PIGU: variants seen among roughly 807,000 people sequenced by gnomAD.
PIGU encodes phosphatidylinositol glycan anchor biosynthesis class U.
A neutral mutation model predicts 49.9 loss-of-function variants in PIGU; 24 were observed. The ratio of observed to expected loss-of-function variants is 0.48; its 90% CI spans 0.35 to 0.68. The LOEUF (loss-of-function observed/expected upper bound fraction) is 0.68. Ranked by LOEUF, PIGU falls within the 30% of genes least tolerant of loss-of-function variation. The pLI, the probability that PIGU is intolerant of heterozygous loss-of-function variation, is 0.01. For missense variants in PIGU, 490 were observed against 532.6 expected (o/e 0.92, Z 0.79); for synonymous variants, 220 against 205.7 (o/e 1.07, Z -0.59).
chr20:34,586,699 C>A (rs1983710811), intron 8 of PIGU, among the ~76,000 whole-genome samples: 1 of 152,154 alleles, frequency 6.6e-6, no homozygotes, highest in African/African-American at 2.4e-5. Flanking sequence ...TTATAGAATT[C>A]ATGAATATAA....
intron 9 of PIGU, among the ~76,000 whole-genome samples, chr20:34,582,599 G>T (rs1381772874): frequency 6.6e-6 from 1 of 152,028 alleles, no homozygotes; most frequent in Non-Finnish European, 1.5e-5. Flanking sequence ...AGGGTTGCTG[G>T]TGCCAGGAGG....
chr20:34,663,879 A>G (rs376773673), intron 1 of PIGU, among the ~76,000 whole-genome samples: 16 of 152,230 alleles, frequency 1.1e-4, no homozygotes, highest in African/African-American at 3.4e-4. Context: ...GCGGCCGTCC[A>G]GGCACATCAC....
At chr20:34,662,060 T>C (rs543896272) in intron 1 of PIGU, among the ~76,000 whole-genome samples, 3 of 152,144 alleles carry the variant, frequency 2.0e-5, no homozygotes, top group Non-Finnish European at 4.4e-5. Flanking sequence ...TGTCTGTTCA[T>C]GTCCTGTGCC....
chr20:34,655,966 T>G lies in PIGU; in HGVS notation c.195+1214A>C. Among the ~76,000 whole-genome samples the G allele has an allele frequency of 1.8e-5, 2 of 111,702 alleles. 1 individual carries two copies. The highest frequency in any genetic ancestry group is 3.7e-5 in the Non-Finnish European group (2 of 53,582). 73.3% of individuals were successfully genotyped at this position (111,702 alleles called of 152,430 possible). ...GACCTAATTAAGAGTGTTTTCACTA[T>G]TCTTTTTTTTTTTTTTTTTTTTTTT... On this transcript the variant is annotated intron_variant, in intron 2 of 11. Transcript: ENST00000217446.
intron 1 of PIGU, among the ~76,000 whole-genome samples, chr20:34,659,297 A>G: frequency 3.5e-4 from 43 of 122,692 alleles, no homozygotes; most frequent in Admixed American, 5.7e-4. Context: ...TCCGGGAGGG[A>G]GGTGGGGGGG....
intron 6 of PIGU, among the ~76,000 whole-genome samples, chr20:34,632,779 G>T (rs181423819): frequency 6.6e-6 from 1 of 152,122 alleles, no homozygotes; most frequent in African/African-American, 2.4e-5. Context: ...GGAGATTTAT[G>T]AAGTTAAGTT....
At chr20:34,665,722 TA>T (rs1987070076) in intron 1 of PIGU, among the ~76,000 whole-genome samples, 1 of 152,106 alleles carries the variant, frequency 6.6e-6, no homozygotes, top group African/African-American at 2.4e-5. Flanking sequence ...TGCACACGAT[TA>T]AAAACTGTGA....
chr20:34,573,385 A>G (rs894965067), intron 11 of PIGU, among the ~76,000 whole-genome samples: 21 of 152,212 alleles, frequency 1.4e-4, no homozygotes, highest in African/African-American at 4.6e-4. Flanking sequence ...CCTGCCTTCA[A>G]TGGCACCTGA....
chr20:34,664,825 C>T (rs1185015304), intron 1 of PIGU, among the ~76,000 whole-genome samples: 2 of 151,878 alleles, frequency 1.3e-5, no homozygotes, highest in Non-Finnish European at 2.9e-5. Flanking sequence ...CCTGTCTCTA[C>T]CAAAAATACA....
chr20:34,620,229 C>G (rs933521989), intron 6 of PIGU, among the ~76,000 whole-genome samples: 1 of 152,234 alleles, frequency 6.6e-6, no homozygotes, highest in Admixed American at 6.5e-5. Flanking sequence ...AGTTTCACCT[C>G]TCACCACTCT....
intron 5 of PIGU, among the ~76,000 whole-genome samples, chr20:34,635,735 C>T (rs944422587): frequency 6.6e-6 from 1 of 151,806 alleles, no homozygotes; most frequent in African/African-American, 2.4e-5. Flanking sequence ...ATTGGCCAGG[C>T]GTGGTGGCAC....
At chr20:34,632,469 AG>A (rs1390840930) in intron 6 of PIGU, among the ~76,000 whole-genome samples, 2 of 151,820 alleles carry the variant, frequency 1.3e-5, no homozygotes, top group African/African-American at 4.8e-5. Flanking sequence ...CCCAGGTTCA[AG>A]CAATTCTCTG....
chr20:34,661,597 T>C (rs989544593), intron 1 of PIGU, among the ~76,000 whole-genome samples: 4 of 152,168 alleles, frequency 2.6e-5, no homozygotes, highest in Non-Finnish European at 5.9e-5. Flanking sequence ...TATGTACATT[T>C]TCTTTATCCA....
intron 5 of PIGU, among the ~76,000 whole-genome samples, chr20:34,637,219 G>A (rs1301802355): frequency 2.6e-5 from 4 of 152,204 alleles, no homozygotes; most frequent in African/African-American, 9.7e-5. Context: ...TTTCCACGAG[G>A]AAACTTGTTT....
chr20:34,676,862 C>G, intron 1 of PIGU, 94 bp downstream of exon 1: 2 of 1,430,852 alleles, frequency 1.4e-6, no homozygotes, highest in Non-Finnish European at 1.9e-6. Flanking sequence ...TCTCTAGGAA[C>G]CGCGCGCTGG....
In PIGU at chr20:34,570,423, A is replaced by ATTTTAT. The variant is rs1555794827; in HGVS notation, c.1194+4680_1194+4681insATAAAA. ...ACATGAGCCACTGTTATTTATTTTT[A>ATTTTAT]TTTTTTTTTGAGACACAGTCTCGCT... On this transcript the variant is annotated intron_variant, in intron 11 of 11. Coordinates refer to ENST00000217446, the MANE Select transcript of PIGU (RefSeq NM_080476.5). 1.3e-4 allele frequency among the ~76,000 whole-genome samples: 19 copies of ATTTTAT among 149,592 alleles called. No homozygotes were observed. In the East Asian group the frequency reaches 3.2e-3, roughly 25 times the overall value.
intron 3 of PIGU, 32 bp downstream of exon 3, chr20:34,645,243 T>C: frequency 6.8e-7 from 1 of 1,476,786 alleles, no homozygotes; most frequent in Non-Finnish European, 9.0e-7. Context: ...TAAAAATATA[T>C]ACATATCAAT....
intron 7 of PIGU, among the ~76,000 whole-genome samples, chr20:34,615,213 G>A (rs1299070467): frequency 6.6e-6 from 1 of 152,174 alleles, no homozygotes; most frequent in Non-Finnish European, 1.5e-5. Flanking sequence ...AAAATGAGAC[G>A]ATGCCTACAG....
chr20:34,575,125 T>C lies in PIGU; in HGVS notation c.1173A>G (p.Thr391=), dbSNP rs151021433. The part of the protein sequence containing the change: ...SANSNFFYAI[T]LTFNVGQILL... ...TTACCTGCCCAACGTTGAAGGTCAG[T>C]GTGATGGCATAAAAGAAATTAGAGT... The change falls in exon 11 of 12, where the codon ACA becomes ACG. Residue 391 remains threonine (T), a synonymous_variant. Coordinates refer to ENST00000217446, the MANE Select transcript of PIGU (RefSeq NM_080476.5). 9 of 1,613,946 alleles carry C rather than the reference T, an allele frequency of 5.6e-6. No homozygotes were observed. Among genetic ancestry groups the C allele is most frequent in the African/African-American group, 2.7e-5 (2 of 74,884 alleles).
Sources: gnomAD v4.1 joint callset for allele counts (sites outside exome capture counted in the v4.1 genomes callset) on GRCh38, gnomAD v4.1.1 for gene constraint, MANE v1.5 for transcripts, NCBI Gene and HGNC (gene_info 2026-07-23, HGNC 2026-07-21) for gene names.